DLG2: variants seen among roughly 807,000 people sequenced by gnomAD.
DLG2 encodes disks large homolog 2.
In DLG2, 45 loss-of-function variants were observed where a neutral mutation model predicts 132.5. That is an observed-to-expected ratio of 0.34 (90% confidence interval 0.27 to 0.44). The LOEUF (loss-of-function observed/expected upper bound fraction) is 0.44. Ranked by LOEUF, DLG2 falls within the 20% of genes least tolerant of loss-of-function variation. The pLI, the probability that DLG2 is intolerant of heterozygous loss-of-function variation, is 1.00. For missense variants in DLG2, 1,045 were observed against 1,196.9 expected (o/e 0.87, Z 1.87); for synonymous variants, 424 against 419.6 (o/e 1.01, Z -0.13).
chr11:83,610,674 G>GTAA (rs141938871), intron 19 of DLG2, among the ~76,000 whole-genome samples: 2,082 of 151,572 alleles, frequency 0.014, 49 homozygotes, highest in African/African-American at 0.046. Flanking sequence ...ATGCAATGAG[G>GTAA]TAATAATAAT....
At chr11:84,187,737 A>T (rs1393547005) in intron 8 of DLG2, among the ~76,000 whole-genome samples, 3 of 152,104 alleles carry the variant, frequency 2.0e-5, no homozygotes, top group Non-Finnish European at 4.4e-5. Context: ...TGTTAAAGGT[A>T]ATGATGGGTA....
At chr11:83,942,584 G>A (rs946843495) in intron 14 of DLG2, among the ~76,000 whole-genome samples, 15 of 152,100 alleles carry the variant, frequency 9.9e-5, no homozygotes, top group Non-Finnish European at 1.8e-4. Context: ...TTATAAATCT[G>A]TATATATAGT....
At chr11:83,479,005 T>C (rs1057241751) in intron 22 of DLG2, among the ~76,000 whole-genome samples, 10 of 152,026 alleles carry the variant, frequency 6.6e-5, no homozygotes, top group African/African-American at 2.4e-4. Context: ...AATGTAAAAA[T>C]GTTGACATGT....
chr11:85,517,821 G>A (rs555745101), intron 3 of DLG2, among the ~76,000 whole-genome samples: 47 of 152,214 alleles, frequency 3.1e-4, no homozygotes, highest in African/African-American at 1.1e-3. Context: ...CGTGTTGTGG[G>A]ATGGACCCAG....
At chr11:84,215,506 A>C (rs2096824371) in intron 8 of DLG2, among the ~76,000 whole-genome samples, 1 of 152,180 alleles carries the variant, frequency 6.6e-6, no homozygotes, top group Non-Finnish European at 1.5e-5. Flanking sequence ...GCTGGAGGTC[A>C]AGAAGGGGCT....
chr11:85,007,674 A>G lies in DLG2; in HGVS notation c.357+103987T>C, dbSNP rs1193582064. Among the ~76,000 whole-genome samples, 64 of 109,998 alleles carry G rather than the reference A, an allele frequency of 5.8e-4. 2 individuals carry two copies. Among genetic ancestry groups the G allele is most frequent in the African/African-American group, 2.1e-3 (61 of 28,754 alleles). 72.2% of individuals were successfully genotyped at this position (109,998 alleles called of 152,430 possible). A position where few individuals can be genotyped will look rare whatever the true frequency, so the allele number is the denominator to read the frequency against. ...AGCAAGACTCCGTCTCAAAAAAAAA[A>G]AAAAAAAAAAAAAAAAGAAAAGAAA... On this transcript the variant is annotated intron_variant, in intron 6 of 27. Transcript: ENST00000376104.
chr11:83,462,049 T>C lies in DLG2; in HGVS notation c.2774A>G (p.Tyr925Cys), dbSNP rs1207915421. The C allele has an allele frequency of 1.9e-6, 3 of 1,613,726 alleles. No individual in the cohort carries two copies. The highest frequency in any genetic ancestry group is 3.3e-5 in the Admixed American group (2 of 60,022). The part of the protein sequence containing the change: ...RLTEEQAKKT[Y>C]DRAIKLEQEF... The stretch of plus-strand genomic sequence containing the variant: ...TTGTTCTAGCTTAATTGCTCGATCA[T>C]AGGTTTTCTTGGCTTGTTCCTCTGT... Residue 925 changes from tyrosine (Y) to cysteine (C), a missense_variant, in exon 27 of 28, where the codon TAT becomes TGT. By Grantham distance (194) the Tyr-to-Cys change is radical (BLOSUM62 -2). This residue lies in a region of DLG2 where 398 missense variants were observed against 543.6 expected (regional missense o/e 0.73). Coordinates refer to ENST00000376104, the MANE Select transcript of DLG2 (RefSeq NM_001142699.3).
At chr11:84,033,413 C>T (rs2095765482) in intron 11 of DLG2, among the ~76,000 whole-genome samples, 1 of 152,116 alleles carries the variant, frequency 6.6e-6, no homozygotes, top group Non-Finnish European at 1.5e-5. Flanking sequence ...TAAATGGATC[C>T]TGAAGATATG....
chr11:84,004,054 A>C (rs1371370000), intron 11 of DLG2, among the ~76,000 whole-genome samples: 1 of 152,090 alleles, frequency 6.6e-6, no homozygotes, highest in African/African-American at 2.4e-5. Context: ...AACTCCATAA[A>C]AATTGAAGAG....
At chr11:84,448,278 G>A (rs764891775) in intron 7 of DLG2, among the ~76,000 whole-genome samples, 1 of 151,960 alleles carries the variant, frequency 6.6e-6, no homozygotes, top group African/African-American at 2.4e-5. Flanking sequence ...GGAAGCAATA[G>A]TCTTAGTTTT....
intron 18 of DLG2, among the ~76,000 whole-genome samples, chr11:83,717,152 A>C (rs2086899776): frequency 6.6e-6 from 1 of 152,236 alleles, no homozygotes; most frequent in Admixed American, 6.5e-5. Flanking sequence ...CCTCTCACTA[A>C]CTAGGAAAAA....
chr11:84,504,839 T>C (rs953992261), intron 7 of DLG2, among the ~76,000 whole-genome samples: 3 of 152,098 alleles, frequency 2.0e-5, no homozygotes, highest in Non-Finnish European at 4.4e-5. Flanking sequence ...TAATTGACTC[T>C]AAAACTTGAT....
chr11:84,619,631 T>A (rs1276180212), intron 6 of DLG2, among the ~76,000 whole-genome samples: 1 of 151,090 alleles, frequency 6.6e-6, no homozygotes, highest in Admixed American at 6.6e-5. Context: ...GGGAGAAAAA[T>A]CATGATCATC....
chr11:84,368,535 T>G (rs1277033308), intron 7 of DLG2, among the ~76,000 whole-genome samples: 2 of 152,060 alleles, frequency 1.3e-5, no homozygotes, highest in Non-Finnish European at 2.9e-5. Context: ...GAGAAAAGGG[T>G]ACAATTATAA....
At chr11:84,795,488 G>A (rs560451721) in intron 6 of DLG2, among the ~76,000 whole-genome samples, 14 of 152,226 alleles carry the variant, frequency 9.2e-5, no homozygotes, top group Admixed American at 9.2e-4. Flanking sequence ...CTGCAGAGAG[G>A]AGCTACCCAC....
intron 6 of DLG2, chr11:84,545,193 T>C: frequency 4.4e-6 from 2 of 456,616 alleles, no homozygotes; most frequent in Non-Finnish European, 8.5e-6. Flanking sequence ...CTCCTTGGTT[T>C]CATGGTTTGG....
At chr11:85,412,573 G>T (rs2089410642) in intron 3 of DLG2, among the ~76,000 whole-genome samples, 1 of 151,356 alleles carries the variant, frequency 6.6e-6, no homozygotes, top group Admixed American at 6.6e-5. Context: ...TAATGCCTTT[G>T]CATCCTCATA....
At chr11:85,570,418 T>C (rs751608668) in intron 3 of DLG2, among the ~76,000 whole-genome samples, 5 of 152,166 alleles carry the variant, frequency 3.3e-5, no homozygotes, top group Non-Finnish European at 5.9e-5. Context: ...GTTTACAGTG[T>C]TGTTTGGTGT....
At chr11:85,010,116 G>T (rs2059024121) in intron 6 of DLG2, among the ~76,000 whole-genome samples, 1 of 152,000 alleles carries the variant, frequency 6.6e-6, no homozygotes, top group South Asian at 2.1e-4. Context: ...AAAACATATA[G>T]TACAAAGATC....
Sources: allele counts gnomAD v4.1 joint callset (sites outside exome capture counted in the v4.1 genomes callset), GRCh38; gene constraint gnomAD v4.1.1; regional missense constraint gnomAD v4.1.1; transcripts MANE v1.5; gene names NCBI Gene and HGNC (gene_info 2026-07-23, HGNC 2026-07-21).